The following PKHD1 variants were observed in gnomAD, a reference collection of about 807,000 sequenced individuals.
The protein encoded by PKHD1 is fibrocystin.
PKHD1 carries 291 observed loss-of-function variants against 412.0 expected under a neutral mutation model. The ratio of observed to expected loss-of-function variants is 0.71; its 90% CI spans 0.64 to 0.78. PKHD1 has a LOEUF of 0.78. Among genes scored for constraint, PKHD1 ranks in the 30% least tolerant of loss-of-function variants. The probability of loss-of-function intolerance (pLI) is 0.00; values close to 1 mark genes in which losing one functional copy is unlikely to be tolerated. For missense variants in PKHD1, 4,825 were observed against 4,950.7 expected (o/e 0.97, Z 0.76); for synonymous variants, 1,777 against 1,821.5 (o/e 0.98, Z 0.62).
Position 52,059,259 on chromosome 6 carries a change from C to CTTTTTTTTTTTTTTTTT in PKHD1, c.1233+652_1234-659dup, listed in dbSNP as rs55992586. 4.4e-4 allele frequency among the ~76,000 whole-genome samples: 37 copies of CTTTTTTTTTTTTTTTTT among 83,518 alleles called. 2 individuals carry two copies. Among genetic ancestry groups the CTTTTTTTTTTTTTTTTT allele is most frequent in the African/African-American group, 1.7e-3 (33 of 19,162 alleles). 54.8% of individuals were successfully genotyped at this position (83,518 alleles called of 152,430 possible). On this transcript the variant is annotated intron_variant, in intron 15 of 66. Transcript: ENST00000371117. ...CTTTCTTTTTTTTCTTTTTCTTTTT[C>CTTTTTTTTTTTTTTTTT]TTTTTTTTTTTTTTTTTTTTTTTTG...
intron 55 of PKHD1, among the ~76,000 whole-genome samples, chr6:51,765,828 A>T (rs1788897373): frequency 6.6e-6 from 1 of 152,136 alleles, no homozygotes; most frequent in African/African-American, 2.4e-5. Flanking sequence ...CCTGGCACAT[A>T]GTAAATATTC....
At chr6:51,947,571 T>G (rs1789657831) in intron 36 of PKHD1, among the ~76,000 whole-genome samples, 1 of 152,160 alleles carries the variant, frequency 6.6e-6, no homozygotes. Context: ...GTAGGTTGGG[T>G]ACAAACCCAG....
chr6:52,054,176 C>G lies in PKHD1; in HGVS notation c.1837-11G>C. The G allele has an allele frequency of 6.2e-7, 1 of 1,613,198 alleles. No individual in the cohort carries two copies. Among genetic ancestry groups the G allele is most frequent in the Non-Finnish European group, 8.5e-7 (1 of 1,179,186 alleles). ...GTATGCAAGACACAGCTATGGACAC[C>G]AAATAAGTCCTTCAGTTCTATTAGT... On this transcript the variant is annotated splice_polypyrimidine_tract_variant and intron_variant, in intron 19 of 66. Transcript: ENST00000371117.
At chr6:52,014,595 G>A (rs1800234952) in intron 34 of PKHD1, among the ~76,000 whole-genome samples, 1 of 151,438 alleles carries the variant, frequency 6.6e-6, no homozygotes, top group Non-Finnish European at 1.5e-5. Context: ...ATGAATGGAT[G>A]GGTGGATGGA....
At chr6:52,085,584 G>A (rs1331281098) in intron 1 of PKHD1, among the ~76,000 whole-genome samples, 4 of 152,076 alleles carry the variant, frequency 2.6e-5, no homozygotes, top group Non-Finnish European at 4.4e-5. Flanking sequence ...TCTTTCCTCC[G>A]CCATTCCAGT....
intron 55 of PKHD1, among the ~76,000 whole-genome samples, chr6:51,758,633 T>C (rs1170168741): frequency 1.3e-5 from 2 of 152,134 alleles, no homozygotes; most frequent in South Asian, 2.1e-4. Flanking sequence ...AGACTTTTTT[T>C]CAACATAATT....
In PKHD1 at chr6:52,024,688, A is replaced by G. The variant is rs1318315206; in HGVS notation, c.5122T>C (p.Ser1708Pro). 1.1e-5 allele frequency: 17 copies of G among 1,614,016 alleles called. No homozygotes were observed. Among genetic ancestry groups the G allele is most frequent in the Non-Finnish European group, 1.4e-5 (17 of 1,180,000 alleles). ...ACGTGGTACTCCCCGGCCGGAAGGG[A>G]AGGGACCACGCACTGAAGAACGGTG... The part of the protein sequence containing the change: ...NHTVLQCVVP[S>P]LPAGEYHVRG... Residue 1708 changes from serine (S) to proline (P), a missense_variant, in exon 32 of 67, where the codon TCC (serine) becomes CCC (proline). By Grantham distance (74) the Ser-to-Pro change is moderately conservative (BLOSUM62 -1). Transcript: ENST00000371117.
chr6:51,991,921 C>T (rs1273385487), intron 35 of PKHD1, among the ~76,000 whole-genome samples: 1 of 152,188 alleles, frequency 6.6e-6, no homozygotes, highest in Non-Finnish European at 1.5e-5. Context: ...CACCCAATGC[C>T]TGTAGATACT....
rs142899991 is a variant in PKHD1 at position 51,776,707 on chromosome 6, G to A, written c.8441-786C>T. Among the ~76,000 whole-genome samples, 714 of 152,118 alleles carry A rather than the reference G, an allele frequency of 4.7e-3. 3 individuals carry two copies. Among genetic ancestry groups the A allele is most frequent in the African/African-American group, 0.016 (677 of 41,552 alleles). ...AAGTAACAGAATCTATTTGAACACA[G>A]ATCTGTTTATGCTAAGTGTTTATTT... is the stretch of plus-strand genomic sequence containing the variant. On this transcript the variant is annotated intron_variant, in intron 53 of 66. Coordinates refer to ENST00000371117, the MANE Select transcript of PKHD1 (RefSeq NM_138694.4).
chr6:51,916,904 C>T (rs1179922975), intron 37 of PKHD1, among the ~76,000 whole-genome samples: 1 of 152,240 alleles, frequency 6.6e-6, no homozygotes, highest in East Asian at 1.9e-4. Context: ...CAACAAACTA[C>T]TCATTTACTC....
intron 18 of PKHD1, among the ~76,000 whole-genome samples, chr6:52,056,228 G>A (rs1041967097): frequency 1.1e-4 from 17 of 152,130 alleles, no homozygotes; most frequent in African/African-American, 4.1e-4. Flanking sequence ...AAAAAGACAA[G>A]GAATATCAAG....
Position 52,058,316 on chromosome 6 carries a change from C to T in PKHD1, c.1512+7G>A. 1 of 1,613,964 alleles carries T rather than the reference C, an allele frequency of 6.2e-7. No homozygotes were observed. The highest frequency in any genetic ancestry group is 8.5e-7 in the Non-Finnish European group (1 of 1,179,952). On this transcript the variant is annotated splice_region_variant and intron_variant, in intron 16 of 66. Coordinates refer to ENST00000371117, the MANE Select transcript of PKHD1 (RefSeq NM_138694.4). ...TCAGCTCCATGGGACTGGAAAGAGA[C>T]ACAGACCTGTACTTCTGGAAGCCTC...
chr6:51,708,643 A>T (rs1186284543), intron 60 of PKHD1, among the ~76,000 whole-genome samples: 1 of 152,162 alleles, frequency 6.6e-6, no homozygotes, highest in African/African-American at 2.4e-5. Flanking sequence ...ACAGTCTCTA[A>T]TCTATGGGCT....
chr6:51,617,255 C>A lies in PKHD1; in HGVS notation c.*1826G>T, dbSNP rs1453751282. On this transcript the variant is annotated 3_prime_UTR_variant, in exon 67 of 67. Coordinates refer to ENST00000371117, the MANE Select transcript of PKHD1 (RefSeq NM_138694.4). The stretch of plus-strand genomic sequence containing the variant: ...GCTCTTTGAGGATCCAATGAGTATA[C>A]TAAAGTAGAGATTGCAAAGGCAAAT... The A allele has an allele frequency of 6.6e-6, 1 of 151,876 alleles. No individual in the cohort carries two copies. Among genetic ancestry groups the A allele is most frequent in the Non-Finnish European group, 1.5e-5 (1 of 67,972 alleles). The allele number at this position is 151,876 out of a possible 1,614,324, so 9.4% of individuals were successfully genotyped here. A position where few individuals can be genotyped will look rare whatever the true frequency, so the allele number is the denominator to read the frequency against.
intron 52 of PKHD1, among the ~76,000 whole-genome samples, chr6:51,822,698 C>T (rs1766644994): frequency 6.6e-6 from 1 of 152,144 alleles, no homozygotes; most frequent in Non-Finnish European, 1.5e-5. Flanking sequence ...GCACATGAAC[C>T]TGAGTATATG....
At chr6:51,980,769 C>A (rs9367470) in intron 35 of PKHD1, among the ~76,000 whole-genome samples, 73,336 of 152,100 alleles carry the variant, frequency 0.48, 20,538 homozygotes, top group Non-Finnish European at 0.62. Flanking sequence ...CTTTTAAAAG[C>A]AATCATGCAA....
At chr6:52,073,645 C>T (rs144939051) in intron 6 of PKHD1, 104 bp from the exon 7 acceptor site, 2 of 741,970 alleles carry the variant, frequency 2.7e-6, no homozygotes, top group South Asian at 1.5e-5. Flanking sequence ...TATGGCAAAG[C>T]AGGTCATGGC....
chr6:51,685,315 A>G (rs558224511), intron 60 of PKHD1, among the ~76,000 whole-genome samples: 7 of 152,230 alleles, frequency 4.6e-5, no homozygotes, highest in African/African-American at 7.2e-5. Context: ...TCATAAAATT[A>G]ACCAGATTTT....
At chr6:51,969,375 G>A (rs1014338081) in intron 35 of PKHD1, among the ~76,000 whole-genome samples, 3 of 152,198 alleles carry the variant, frequency 2.0e-5, no homozygotes, top group Non-Finnish European at 4.4e-5. Flanking sequence ...CTTGAGCAGA[G>A]AACCCATCTA....
Sources: allele counts gnomAD v4.1 joint callset (sites outside exome capture counted in the v4.1 genomes callset), GRCh38; gene constraint gnomAD v4.1.1; transcripts MANE v1.5; gene names NCBI Gene and HGNC (gene_info 2026-07-23, HGNC 2026-07-21).